The following COX7B2 variants were observed in gnomAD, a reference collection of about 807,000 sequenced individuals.
The protein encoded by COX7B2 is cytochrome c oxidase subunit 7B2, also known as cytochrome c oxidase subunit 7B2, mitochondrial.
For missense variants in COX7B2, 109 were observed against 95.9 expected (o/e 1.14, Z -0.57); for synonymous variants, 37 against 32.1 (o/e 1.15, Z -0.51).
chr4:46,749,860 C>A (rs1715246054), intron 2 of COX7B2, among the ~76,000 whole-genome samples: 1 of 152,094 alleles, frequency 6.6e-6, no homozygotes, highest in African/African-American at 2.4e-5. Flanking sequence ...TAATTCAGAT[C>A]TAGAGTTCTA....
At chr4:46,762,207 A>G (rs935630190) in intron 2 of COX7B2, among the ~76,000 whole-genome samples, 126 of 144,044 alleles carry the variant, frequency 8.7e-4, no homozygotes, top group African/African-American at 3.0e-3. Context: ...ATTATAATAT[A>G]CATTTAATAT....
At position 46,877,304 on chromosome 4, in the gene COX7B2, C is replaced by G. The variant is rs11733919; in HGVS notation, c.-105+31856G>C. 6.7e-3 allele frequency among the ~76,000 whole-genome samples: 1,022 copies of G among 152,132 alleles called. 15 individuals carry two copies. The highest frequency in any genetic ancestry group is 0.023 in the African/African-American group (950 of 41,488). ...TCATAGCCAAATTCAAGGACATCTG[C>G]GTCCAAAACCAAGGCTTTCTTATTT... is the stretch of plus-strand genomic sequence containing the variant. On this transcript the variant is annotated intron_variant, in intron 1 of 2. Coordinates refer to ENST00000355591, the MANE Select transcript of COX7B2 (RefSeq NM_130902.3).
At chr4:46,902,097 T>C (rs2109897721) in intron 1 of COX7B2, among the ~76,000 whole-genome samples, 2 of 152,280 alleles carry the variant, frequency 1.3e-5, no homozygotes, top group South Asian at 4.1e-4. Context: ...CTAATACATC[T>C]ATGAGCAATG....
intron 2 of COX7B2, among the ~76,000 whole-genome samples, chr4:46,777,697 A>G (rs1480292193): frequency 6.6e-6 from 1 of 152,172 alleles, no homozygotes. Context: ...AGAAATGCAT[A>G]GGATTGTCAA....
chr4:46,854,398 A>G (rs939994783), intron 1 of COX7B2, among the ~76,000 whole-genome samples: 2 of 152,222 alleles, frequency 1.3e-5, no homozygotes, highest in African/African-American at 4.8e-5. Context: ...AAAATTCTTC[A>G]CGATGATATT....
chr4:46,767,626 G>C (rs985623019), intron 2 of COX7B2, among the ~76,000 whole-genome samples: 6 of 151,966 alleles, frequency 3.9e-5, no homozygotes, highest in Admixed American at 3.9e-4. Flanking sequence ...ACAAATTTAA[G>C]AAGACTAAAA....
chr4:46,741,845 A>C (rs115161088), intron 2 of COX7B2, among the ~76,000 whole-genome samples: 1,717 of 152,246 alleles, frequency 0.011, 20 homozygotes, highest in Middle Eastern at 0.037. Context: ...AGAGTCTCCA[A>C]GGGGAGTAGC....
chr4:46,811,791 G>C (rs936373096), intron 2 of COX7B2, among the ~76,000 whole-genome samples: 1 of 152,090 alleles, frequency 6.6e-6, no homozygotes, highest in Non-Finnish European at 1.5e-5. Flanking sequence ...GCTTTCATAG[G>C]GGGAGACTTT....
intron 1 of COX7B2, chr4:46,903,865 G>C (rs1577719370): frequency 6.6e-6 from 1 of 152,158 alleles, no homozygotes; most frequent in Non-Finnish European, 1.5e-5. Context: ...TTTGTAGAAT[G>C]ATGAACTCAC....
Position 46,860,576 on chromosome 4 carries a change from G to A in COX7B2, c.-104-15562C>T, listed in dbSNP as rs915897356. Reference sequence around the variant, plus strand: ...CCTTCTTTGACATCTGGTGAATCAGGAAATGAAGTCTCTGGTTAGATGGTC... The same window carrying A: ...CCTTCTTTGACATCTGGTGAATCAGAAAATGAAGTCTCTGGTTAGATGGTC... On this transcript the variant is annotated intron_variant, in intron 1 of 2. Coordinates refer to ENST00000355591, the MANE Select transcript of COX7B2 (RefSeq NM_130902.3). Among the ~76,000 whole-genome samples, 3 of 152,150 alleles carry A rather than the reference G, an allele frequency of 2.0e-5. No homozygotes were observed. The South Asian group carries it at 6.2e-4, about 32-fold the overall frequency.
At chr4:46,812,803 T>C (rs1326319948) in intron 2 of COX7B2, among the ~76,000 whole-genome samples, 2 of 152,156 alleles carry the variant, frequency 1.3e-5, no homozygotes, top group East Asian at 3.8e-4. Flanking sequence ...AAAGTGCAGC[T>C]ACATGGGTCA....
At chr4:46,828,348 C>T (rs1346184744) in intron 2 of COX7B2, among the ~76,000 whole-genome samples, 1 of 152,088 alleles carries the variant, frequency 6.6e-6, no homozygotes, top group Non-Finnish European at 1.5e-5. Flanking sequence ...ATATTCCCTA[C>T]TAAAGAAGCA....
chr4:46,857,375 T>C (rs1050028877), intron 1 of COX7B2, among the ~76,000 whole-genome samples: 6 of 152,232 alleles, frequency 3.9e-5, no homozygotes, highest in African/African-American at 1.2e-4. Context: ...TTTACAAATA[T>C]CATAAAAAGC....
At chr4:46,778,381 A>G (rs767815221) in intron 2 of COX7B2, among the ~76,000 whole-genome samples, 2 of 152,130 alleles carry the variant, frequency 1.3e-5, no homozygotes, top group Non-Finnish European at 2.9e-5. Context: ...GTAGTCAGCA[A>G]ACCAGGTTAT....
intron 2 of COX7B2, among the ~76,000 whole-genome samples, chr4:46,794,589 C>T (rs187317518): frequency 3.4e-4 from 51 of 152,100 alleles, no homozygotes; most frequent in Middle Eastern, 3.4e-3. Context: ...GCTCTTCTCT[C>T]GTCTGTAGTG....
At chr4:46,901,173 T>A (rs1358761393) in intron 1 of COX7B2, among the ~76,000 whole-genome samples, 1 of 152,198 alleles carries the variant, frequency 6.6e-6, no homozygotes, top group Non-Finnish European at 1.5e-5. Flanking sequence ...TCCTCGTTCA[T>A]TTTATTTGTG....
intron 1 of COX7B2, among the ~76,000 whole-genome samples, chr4:46,852,335 G>C (rs966220545): frequency 6.6e-6 from 1 of 151,532 alleles, no homozygotes; most frequent in African/African-American, 2.4e-5. Flanking sequence ...TTCTCATTTC[G>C]CACTTTCTTA....
intron 2 of COX7B2, among the ~76,000 whole-genome samples, chr4:46,773,752 A>G (rs1717006830): frequency 6.6e-6 from 1 of 152,134 alleles, no homozygotes; most frequent in South Asian, 2.1e-4. Context: ...TCTAATTTAA[A>G]ATATGTTCAT....
At chr4:46,753,843 C>A (rs1273350832) in intron 2 of COX7B2, among the ~76,000 whole-genome samples, 2 of 152,160 alleles carry the variant, frequency 1.3e-5, no homozygotes, top group African/African-American at 2.4e-5. Context: ...CCAGAATCTA[C>A]AATGAACTCA....
Sources: allele counts gnomAD v4.1 joint callset (sites outside exome capture counted in the v4.1 genomes callset), GRCh38; gene constraint gnomAD v4.1.1; transcripts MANE v1.5; gene names NCBI Gene and HGNC (gene_info 2026-07-23, HGNC 2026-07-21).